RCBTB2: variants seen among roughly 807,000 people sequenced by gnomAD.
RCBTB2 encodes RCC1 and BTB domain containing protein 2.
A neutral mutation model predicts 65.4 loss-of-function variants in RCBTB2; 55 were observed. The ratio of observed to expected loss-of-function variants is 0.84; its 90% CI spans 0.68 to 1.05. RCBTB2 has a LOEUF of 1.05. RCBTB2 is among the 50% of genes least tolerant of loss of function. RCBTB2 has a pLI of 0.00. For missense variants in RCBTB2, 599 were observed against 680.1 expected (o/e 0.88, Z 1.33); for synonymous variants, 220 against 255.2 (o/e 0.86, Z 1.31).
rs565818978 is a variant in RCBTB2 at position 48,489,967 on chromosome 13, C to G, written c.*144G>C. ...ACTCTGGGTTTAGGCAGACAAAGAC[C>G]ACTCACCACCATCCTTCTTCTGACA... On this transcript the variant is annotated 3_prime_UTR_variant, in exon 15 of 15. Coordinates refer to ENST00000344532, the MANE Select transcript of RCBTB2 (RefSeq NM_001268.4). 3 of 863,872 alleles carry G rather than the reference C, an allele frequency of 3.5e-6. No homozygotes were observed. Among genetic ancestry groups the G allele is most frequent in the Non-Finnish European group, 5.6e-6 (3 of 536,162 alleles). The allele number at this position is 863,872 out of a possible 1,614,324, so 53.5% of individuals were successfully genotyped here. A position where few individuals can be genotyped will look rare whatever the true frequency, so the allele number is the denominator to read the frequency against.
intron 10 of RCBTB2, among the ~76,000 whole-genome samples, chr13:48,508,649 C>T (rs9332011): frequency 0.011 from 1,664 of 152,286 alleles, 24 homozygotes; most frequent in African/African-American, 0.038. Flanking sequence ...GGTGATCCGC[C>T]CGCCTTGGCC....
intron 13 of RCBTB2, among the ~76,000 whole-genome samples, chr13:48,496,863 G>C (rs1307523364): frequency 6.8e-6 from 1 of 147,432 alleles, no homozygotes; most frequent in Non-Finnish European, 1.5e-5. Context: ...GGGGAGGGGA[G>C]ACCCTTTCAT....
intron 4 of RCBTB2, among the ~76,000 whole-genome samples, chr13:48,519,994 T>C (rs541226079): frequency 9.0e-4 from 137 of 152,296 alleles, no homozygotes; most frequent in African/African-American, 3.2e-3. Context: ...GAAATGTTCA[T>C]TAGAGCATTT....
chr13:48,498,622 C>T (rs949736724), intron 13 of RCBTB2, among the ~76,000 whole-genome samples: 1 of 151,990 alleles, frequency 6.6e-6, no homozygotes, highest in African/African-American at 2.4e-5. Flanking sequence ...CCCAGCTACT[C>T]GAGAGGCTGA....
rs765302827 is a variant in RCBTB2 at position 48,499,640 on chromosome 13, A to C, written c.1365T>G (p.Leu455=). 1.2e-6 allele frequency: 2 copies of C among 1,614,170 alleles called. No individual in the cohort carries two copies. Among genetic ancestry groups the C allele is most frequent in the Non-Finnish European group, 1.7e-6 (2 of 1,180,028 alleles). The change falls in exon 13 of 15, where the codon CTT becomes CTG. Residue 455 remains leucine, a synonymous_variant. Coordinates refer to ENST00000344532, the MANE Select transcript of RCBTB2 (RefSeq NM_001268.4). ...AATTACCTACTGCCTCCTCAGGAGA[A>C]AGGCTGATGCTGTCTGTGTATAGGT... is the stretch of plus-strand genomic sequence containing the variant. ...LEYLYTDSIS[L]SPEEAVGLLD... is the part of the protein sequence containing the mutation.
At chr13:48,505,761 A>C (rs1266193075) in intron 10 of RCBTB2, among the ~76,000 whole-genome samples, 2 of 151,596 alleles carry the variant, frequency 1.3e-5, no homozygotes, top group Non-Finnish European at 2.9e-5. Flanking sequence ...ATCTTTTCAA[A>C]GAAAAAAAAA....
At chr13:48,502,470 G>GC (rs1187301627) in intron 11 of RCBTB2, among the ~76,000 whole-genome samples, 1 of 151,970 alleles carries the variant, frequency 6.6e-6, no homozygotes, top group Non-Finnish European at 1.5e-5. Flanking sequence ...TCCAGCCTGG[G>GC]CAACAGAGCA....
At chr13:48,509,501 C>G (rs1011261219) in intron 10 of RCBTB2, among the ~76,000 whole-genome samples, 2 of 152,112 alleles carry the variant, frequency 1.3e-5, no homozygotes, top group African/African-American at 4.8e-5. Flanking sequence ...CTGAGGAGCT[C>G]TAAGCTACAA....
intron 13 of RCBTB2, 40 bp downstream of exon 13, chr13:48,499,581 T>C: frequency 6.2e-7 from 1 of 1,608,310 alleles, no homozygotes; most frequent in East Asian, 2.2e-5. Context: ...TGTCAGTTCC[T>C]CAACATTTTG....
intron 1 of RCBTB2, among the ~76,000 whole-genome samples, chr13:48,526,631 T>G (rs1951750307): frequency 6.6e-6 from 1 of 152,040 alleles, no homozygotes; most frequent in African/African-American, 2.4e-5. Context: ...AAAATAAAAA[T>G]AGCCTGGGCG....
At chr13:48,526,685 T>C (rs1951754186) in intron 1 of RCBTB2, among the ~76,000 whole-genome samples, 1 of 151,768 alleles carries the variant, frequency 6.6e-6, no homozygotes, top group Non-Finnish European at 1.5e-5. Flanking sequence ...GAGGCAGAGA[T>C]GGGAGGATTA....
chr13:48,535,706 G>A (rs1208120593), upstream of RCBTB2: 2 of 456,544 alleles, frequency 4.4e-6, no homozygotes, highest in South Asian at 1.5e-5. Context: ...AGCATTAGAA[G>A]CATTTGCTTA....
chr13:48,500,365 C>T (rs2138447165), intron 12 of RCBTB2, among the ~76,000 whole-genome samples: 1 of 152,258 alleles, frequency 6.6e-6, no homozygotes, highest in South Asian at 2.1e-4. Context: ...TGAGACCAGC[C>T]TGGCCAATAT....
intron 10 of RCBTB2, among the ~76,000 whole-genome samples, chr13:48,505,771 A>T (rs559094917): frequency 1.3e-5 from 2 of 152,300 alleles, no homozygotes; most frequent in South Asian, 2.1e-4. Context: ...AGAAAAAAAA[A>T]GATGAGGGGG....
Position 48,502,767 on chromosome 13 carries a change from G to A in RCBTB2, c.1074C>T (p.Ala358=), listed in dbSNP as rs115591753. ...ACGTGACGGCGGGCGTGGCAAAGCA[G>A]GCAAACACGTCGTCAGTGCAGGAGA... ...THFSCTDDVF[A]CFATPAVTWR... The change falls in exon 11 of 15, where the codon GCC becomes GCT. Residue 358 remains alanine (A), a synonymous_variant. Coordinates refer to ENST00000344532, the MANE Select transcript of RCBTB2 (RefSeq NM_001268.4). 1.5e-3 allele frequency: 2,469 copies of A among 1,613,808 alleles called. 27 individuals are homozygous for A. In the African/African-American group the frequency reaches 0.029, roughly 19 times the overall value.
At chr13:48,531,375 A>G (rs540195094) in intron 1 of RCBTB2, among the ~76,000 whole-genome samples, 1 of 152,360 alleles carries the variant, frequency 6.6e-6, no homozygotes, top group South Asian at 2.1e-4. Flanking sequence ...ATACCCTTAC[A>G]AATATATAAT....
At chr13:48,500,978 C>G (rs1012508399) in intron 12 of RCBTB2, among the ~76,000 whole-genome samples, 11 of 152,290 alleles carry the variant, frequency 7.2e-5, no homozygotes, top group Admixed American at 7.2e-4. Context: ...TGTTACACAA[C>G]AACATAATGA....
At chr13:48,504,230 T>C (rs1325300568) in intron 10 of RCBTB2, 1 of 985,316 alleles carries the variant, frequency 1.0e-6, no homozygotes, top group Non-Finnish European at 1.2e-6. Context: ...ACTCACACAG[T>C]GCTGGCAGGT....
intron 1 of RCBTB2, among the ~76,000 whole-genome samples, chr13:48,527,339 T>TG (rs1951819111): frequency 7.6e-5 from 9 of 118,030 alleles, no homozygotes; most frequent in African/African-American, 4.9e-4. Context: ...ATATATATGA[T>TG]ATATATATAT....
Sources: gnomAD v4.1 joint callset for allele counts (sites outside exome capture counted in the v4.1 genomes callset) on GRCh38, gnomAD v4.1.1 for gene constraint, MANE v1.5 for transcripts, NCBI Gene and HGNC (gene_info 2026-07-23, HGNC 2026-07-21) for gene names.